Variants in SLC4A10 observed in about 807,000 individuals in gnomAD.
The protein encoded by SLC4A10 is sodium-driven chloride bicarbonate exchanger.
A neutral mutation model predicts 137.7 loss-of-function variants in SLC4A10; 42 were observed. That is an observed-to-expected ratio of 0.30 (90% CI 0.24 to 0.39). The LOEUF is 0.39. Ranked by LOEUF, SLC4A10 falls within the 10% of genes least tolerant of loss-of-function variation. SLC4A10 has a pLI of 1.00. For missense variants in SLC4A10, 925 were observed against 1,355.0 expected (o/e 0.68, Z 4.98); for synonymous variants, 474 against 464.1 (o/e 1.02, Z -0.27).
chr2:161,649,472 G>A (rs1214004724), intron 1 of SLC4A10, among the ~76,000 whole-genome samples: 1 of 150,550 alleles, frequency 6.6e-6, no homozygotes, highest in African/African-American at 2.4e-5. Flanking sequence ...CTTTTTCTGT[G>A]AATTGCCTGT....
chr2:161,646,529 A>G (rs1037696720), intron 1 of SLC4A10, among the ~76,000 whole-genome samples: 5 of 152,018 alleles, frequency 3.3e-5, no homozygotes, highest in African/African-American at 4.8e-5. Context: ...AATAATTTTC[A>G]CACTATTGTT....
At chr2:161,903,796 A>G (rs915277467) in intron 12 of SLC4A10, among the ~76,000 whole-genome samples, 3 of 152,178 alleles carry the variant, frequency 2.0e-5, no homozygotes, top group Non-Finnish European at 4.4e-5. Context: ...GGTGGTTGAC[A>G]CGATATTGGG....
At chr2:161,688,849 A>G (rs923758459) in intron 1 of SLC4A10, among the ~76,000 whole-genome samples, 1 of 152,142 alleles carries the variant, frequency 6.6e-6, no homozygotes, top group African/African-American at 2.4e-5. Context: ...GAAGGACTGC[A>G]TATACCACAG....
chr2:161,667,431 T>C (rs2039178154), intron 1 of SLC4A10, among the ~76,000 whole-genome samples: 2 of 151,638 alleles, frequency 1.3e-5, no homozygotes, highest in Admixed American at 1.3e-4. Flanking sequence ...TGATAAGACC[T>C]ATGAAGAAGG....
intron 26 of SLC4A10, among the ~76,000 whole-genome samples, chr2:161,978,036 G>A (rs1252194465): frequency 2.0e-5 from 3 of 152,142 alleles, no homozygotes; most frequent in Non-Finnish European, 4.4e-5. Flanking sequence ...CAGAACTGTA[G>A]TTAGTAATGG....
chr2:161,798,957 G>A (rs2055073939), intron 2 of SLC4A10, among the ~76,000 whole-genome samples: 1 of 149,808 alleles, frequency 6.7e-6, no homozygotes, highest in Non-Finnish European at 1.5e-5. Context: ...TTTTAGTTCT[G>A]AGCCTGAATT....
At chr2:161,697,056 G>A (rs2042586387) in intron 1 of SLC4A10, among the ~76,000 whole-genome samples, 2 of 152,188 alleles carry the variant, frequency 1.3e-5, no homozygotes, top group Non-Finnish European at 2.9e-5. Flanking sequence ...CTGATGACCA[G>A]TGATGATGAG....
chr2:161,980,233 C>T (rs1412276475), intron 26 of SLC4A10, among the ~76,000 whole-genome samples: 2 of 152,138 alleles, frequency 1.3e-5, no homozygotes, highest in African/African-American at 2.4e-5. Flanking sequence ...TGGGACTATC[C>T]GCTCTACCCC....
intron 15 of SLC4A10, among the ~76,000 whole-genome samples, chr2:161,932,203 G>A (rs1334202345): frequency 1.3e-5 from 2 of 152,144 alleles, no homozygotes; most frequent in Non-Finnish European, 2.9e-5. Context: ...ACAGACTGAG[G>A]TTGGCAGGTT....
chr2:161,800,237 T>C (rs1003296205), intron 2 of SLC4A10, among the ~76,000 whole-genome samples: 3 of 152,094 alleles, frequency 2.0e-5, no homozygotes, highest in Admixed American at 6.6e-5. Flanking sequence ...TCATGAATTT[T>C]AGCAGTTTTA....
chr2:161,689,689 A>G (rs980605450), intron 1 of SLC4A10, among the ~76,000 whole-genome samples: 28 of 152,198 alleles, frequency 1.8e-4, no homozygotes, highest in African/African-American at 4.8e-5. Context: ...TAAAGAAATA[A>G]GATCTTTCCA....
intron 9 of SLC4A10, among the ~76,000 whole-genome samples, chr2:161,880,657 G>A (rs1340550297): frequency 6.6e-6 from 1 of 152,114 alleles, no homozygotes; most frequent in Non-Finnish European, 1.5e-5. Context: ...CAGGCTATAT[G>A]TTTTCTATGG....
chr2:161,665,442 T>C (rs574317013), intron 1 of SLC4A10, among the ~76,000 whole-genome samples: 1 of 151,918 alleles, frequency 6.6e-6, no homozygotes, highest in Non-Finnish European at 1.5e-5. Flanking sequence ...TTTGTTTATG[T>C]AGTTAAATTC....
chr2:161,645,632 C>G (rs539857976), intron 1 of SLC4A10, among the ~76,000 whole-genome samples: 12 of 152,054 alleles, frequency 7.9e-5, no homozygotes, highest in African/African-American at 2.9e-4. Context: ...TTGGATAAAG[C>G]CTGCAGTAGG....
At chr2:161,911,763 T>G (rs1685912962) in intron 15 of SLC4A10, among the ~76,000 whole-genome samples, 1 of 152,080 alleles carries the variant, frequency 6.6e-6, no homozygotes. Flanking sequence ...TTATTCATAT[T>G]TTTACATTTC....
chr2:161,643,275 G>C (rs1035771892), intron 1 of SLC4A10, among the ~76,000 whole-genome samples: 1 of 152,052 alleles, frequency 6.6e-6, no homozygotes, highest in Admixed American at 6.5e-5. Context: ...GGAAGGCAAA[G>C]GCCAAAAGGG....
In SLC4A10 at chr2:161,898,546, C is replaced by CT. The variant is rs528228440; in HGVS notation, c.1342-2359dup. Among the ~76,000 whole-genome samples, 4 of 152,074 alleles carry CT rather than the reference C, an allele frequency of 2.6e-5. No homozygotes were observed. The East Asian group carries it at 7.7e-4, about 29-fold the overall frequency. On this transcript the variant is annotated intron_variant, in intron 11 of 26. Transcript: ENST00000446997. ...TTTTCACCATTGGGATCATTTCCAT[C>CT]TTTTTTATTCATTTGAAATGTGCAA...
At chr2:161,662,562 G>A (rs2038563148) in intron 1 of SLC4A10, among the ~76,000 whole-genome samples, 1 of 152,054 alleles carries the variant, frequency 6.6e-6, no homozygotes, top group Non-Finnish European at 1.5e-5. Context: ...TTCCCTTCAG[G>A]CATCTTGACT....
intron 2 of SLC4A10, among the ~76,000 whole-genome samples, chr2:161,801,968 A>T (rs1002511483): frequency 1.4e-4 from 21 of 152,106 alleles, no homozygotes; most frequent in Non-Finnish European, 2.9e-4. Flanking sequence ...AATATAACTT[A>T]ATATTGTGGT....
Sources: gnomAD v4.1 joint callset for allele counts (sites outside exome capture counted in the v4.1 genomes callset) on GRCh38, gnomAD v4.1.1 for gene constraint, MANE v1.5 for transcripts, NCBI Gene and HGNC (gene_info 2026-07-23, HGNC 2026-07-21) for gene names.